The following ARHGAP10 variants were observed in gnomAD, a reference collection of about 807,000 sequenced individuals.
The protein encoded by ARHGAP10 is rho GTPase-activating protein 10.
A neutral mutation model predicts 108.6 loss-of-function variants in ARHGAP10; 87 were observed. That is an observed-to-expected ratio of 0.80 (90% CI 0.67 to 0.96). ARHGAP10 has a LOEUF of 0.96. Ranked by LOEUF, ARHGAP10 falls within the 40% of genes least tolerant of loss-of-function variation. The pLI, the probability that ARHGAP10 is intolerant of heterozygous loss-of-function variation, is 0.00. For missense variants in ARHGAP10, 939 were observed against 954.5 expected (o/e 0.98, Z 0.21); for synonymous variants, 347 against 341.1 (o/e 1.02, Z -0.19).
At chr4:147,901,722 T>C (rs570693289) in intron 10 of ARHGAP10, among the ~76,000 whole-genome samples, 17 of 152,248 alleles carry the variant, frequency 1.1e-4, no homozygotes, top group Non-Finnish European at 2.1e-4. Flanking sequence ...TTTGTACTTC[T>C]AGTCATAACT....
At chr4:147,807,258 A>G (rs1731824534) in intron 1 of ARHGAP10, among the ~76,000 whole-genome samples, 1 of 152,144 alleles carries the variant, frequency 6.6e-6, no homozygotes, top group South Asian at 2.1e-4. Context: ...TGATTTTTAT[A>G]TGAAATATCC....
intron 18 of ARHGAP10, among the ~76,000 whole-genome samples, chr4:147,985,777 C>T (rs186266532): frequency 3.1e-4 from 47 of 152,304 alleles, no homozygotes; most frequent in Non-Finnish European, 5.9e-5. Flanking sequence ...TCCGTCTCAG[C>T]GTCTGTAAGC....
chr4:147,814,237 G>A (rs1732143185), intron 1 of ARHGAP10, among the ~76,000 whole-genome samples: 2 of 151,782 alleles, frequency 1.3e-5, no homozygotes, highest in African/African-American at 2.4e-5. Flanking sequence ...TCTTATCATC[G>A]TGGCTTGTCT....
At chr4:148,002,108 G>C (rs1233878378) in intron 18 of ARHGAP10, among the ~76,000 whole-genome samples, 4 of 152,182 alleles carry the variant, frequency 2.6e-5, no homozygotes, top group African/African-American at 9.7e-5. Flanking sequence ...AATTTATTGA[G>C]AGTTTTTAGC....
At chr4:147,744,968 C>T (rs533060500) in intron 1 of ARHGAP10, among the ~76,000 whole-genome samples, 15 of 151,970 alleles carry the variant, frequency 9.9e-5, no homozygotes, top group East Asian at 5.8e-4. Flanking sequence ...AGGGCAAATC[C>T]GGAGGAACTC....
chr4:147,922,318 G>A (rs1737269054), intron 13 of ARHGAP10, among the ~76,000 whole-genome samples: 1 of 151,878 alleles, frequency 6.6e-6, no homozygotes, highest in South Asian at 2.1e-4. Context: ...ACCTATCAGG[G>A]TTAAGTTCCA....
chr4:147,816,354 C>G (rs1732244427), intron 1 of ARHGAP10, among the ~76,000 whole-genome samples: 1 of 152,230 alleles, frequency 6.6e-6, no homozygotes, highest in African/African-American at 2.4e-5. Context: ...TGGCCTTGAG[C>G]TCTGTGCTCC....
chr4:147,786,120 C>A (rs966021045), intron 1 of ARHGAP10, among the ~76,000 whole-genome samples: 14 of 151,994 alleles, frequency 9.2e-5, no homozygotes, highest in African/African-American at 2.7e-4. Context: ...CAGGGGGAGA[C>A]CCTGGGCTGA....
intron 1 of ARHGAP10, among the ~76,000 whole-genome samples, chr4:147,759,290 G>A (rs1244698140): frequency 6.6e-6 from 1 of 152,274 alleles, no homozygotes; most frequent in African/African-American, 2.4e-5. Flanking sequence ...GAGGCTCAGA[G>A]GTGAAATAAC....
chr4:148,063,350 G>C (rs1273860538), intron 21 of ARHGAP10, 50 bp downstream of exon 21: 3 of 1,608,798 alleles, frequency 1.9e-6, no homozygotes, highest in East Asian at 2.2e-5. Context: ...ACACACAGGG[G>C]GCTTGATGAA....
intron 16 of ARHGAP10, among the ~76,000 whole-genome samples, chr4:147,961,218 T>G (rs1299588134): frequency 6.6e-6 from 1 of 152,254 alleles, no homozygotes; most frequent in African/African-American, 2.4e-5. Flanking sequence ...TTGCCAAAGC[T>G]TAGTATTCAT....
intron 20 of ARHGAP10, among the ~76,000 whole-genome samples, chr4:148,047,693 C>T (rs1403585950): frequency 6.6e-6 from 1 of 152,144 alleles, no homozygotes; most frequent in Non-Finnish European, 1.5e-5. Context: ...TGATGTGGAA[C>T]CCAAAAGGGC....
chr4:147,949,249 A>G lies in ARHGAP10; in HGVS notation c.1391+2545A>G, dbSNP rs1738504825. ...TATACTTATATCAGTATTGCCACTG[A>G]TAGTGACTAATTGTGGTTTAGATGA... On this transcript the variant is annotated intron_variant, in intron 15 of 22. Transcript: ENST00000336498. Among the ~76,000 whole-genome samples the G allele has an allele frequency of 4.6e-5, 7 of 152,218 alleles. No individual in the cohort carries two copies. In the South Asian group the frequency reaches 1.4e-3, roughly 32 times the overall value.
intron 22 of ARHGAP10, among the ~76,000 whole-genome samples, chr4:148,067,684 T>A (rs1729957244): frequency 6.6e-6 from 1 of 152,174 alleles, no homozygotes; most frequent in Non-Finnish European, 1.5e-5. Flanking sequence ...ACAAAGGAAA[T>A]TGGTTTATGC....
At chr4:147,993,701 T>G (rs1299578475) in intron 18 of ARHGAP10, among the ~76,000 whole-genome samples, 2 of 152,246 alleles carry the variant, frequency 1.3e-5, no homozygotes, top group African/African-American at 4.8e-5. Context: ...AAAGACTTCG[T>G]GTACTAAGCA....
chr4:147,744,874 C>G (rs140460724), intron 1 of ARHGAP10, among the ~76,000 whole-genome samples: 6 of 152,052 alleles, frequency 3.9e-5, no homozygotes, highest in Non-Finnish European at 8.8e-5. Flanking sequence ...TGGAGACACA[C>G]CATATGGATG....
At chr4:147,870,949 T>A (rs1734793147) in intron 7 of ARHGAP10, among the ~76,000 whole-genome samples, 1 of 150,494 alleles carries the variant, frequency 6.6e-6, no homozygotes, top group Admixed American at 6.6e-5. Flanking sequence ...TGTGTGTGTG[T>A]GTGTGTGTGT....
At position 148,047,071 on chromosome 4, in the gene ARHGAP10, T is replaced by C. The variant is rs144818835; in HGVS notation, c.2027+20T>C. ...CACTATGTAAGTAACCGTGCTTCTGTTGGGTGCTGAAGGGTGGAAGCCCTG... is the reference window on the plus strand; with the variant it reads ...CACTATGTAAGTAACCGTGCTTCTGCTGGGTGCTGAAGGGTGGAAGCCCTG... On this transcript the variant is annotated intron_variant, in intron 20 of 22. Coordinates refer to ENST00000336498, the MANE Select transcript of ARHGAP10 (RefSeq NM_024605.4). The C allele has an allele frequency of 8.2e-5, 132 of 1,613,386 alleles. 1 individual carries two copies. In the African/African-American group the frequency reaches 1.6e-3, roughly 19 times the overall value.
At chr4:147,872,529 C>T (rs1183230362) in intron 7 of ARHGAP10, among the ~76,000 whole-genome samples, 5 of 152,132 alleles carry the variant, frequency 3.3e-5, no homozygotes, top group Non-Finnish European at 5.9e-5. Context: ...GGGGTTAGCA[C>T]CCCTGCGCTA....
Sources: allele counts gnomAD v4.1 joint callset (sites outside exome capture counted in the v4.1 genomes callset), GRCh38; gene constraint gnomAD v4.1.1; transcripts MANE v1.5; gene names NCBI Gene and HGNC (gene_info 2026-07-23, HGNC 2026-07-21).